OTOGL: variants seen among roughly 807,000 people sequenced by gnomAD.
OTOGL encodes the protein otogelin-like protein.
In OTOGL, 285 loss-of-function variants were observed where a neutral mutation model predicts 318.5. The observed-to-expected ratio is 0.89, with a 90% CI of 0.81 to 0.99. The LOEUF is 0.99. Among genes scored for constraint, OTOGL ranks in the 50% least tolerant of loss-of-function variants. The probability of loss-of-function intolerance (pLI) is 0.00; values close to 1 mark genes in which losing one functional copy is unlikely to be tolerated. For missense variants in OTOGL, 2,899 were observed against 2,845.6 expected (o/e 1.02, Z -0.43); for synonymous variants, 987 against 936.5 (o/e 1.05, Z -0.99).
rs559477064 is a variant in OTOGL at position 80,259,461 on chromosome 12, C to T, written c.1889+1459C>T. 2.8e-3 allele frequency among the ~76,000 whole-genome samples: 427 copies of T among 152,020 alleles called. 5 individuals carry two copies. The highest frequency in any genetic ancestry group is 9.8e-3 in the African/African-American group (406 of 41,438). On this transcript the variant is annotated intron_variant, in intron 18 of 58. Coordinates refer to ENST00000547103, the MANE Select transcript of OTOGL (RefSeq NM_001378609.3). ...ACATGTGCCATGGTGGTTTGCTGCA[C>T]CTATCAACCCGTCATCTAGGTTTTA...
At chr12:80,333,152 C>T in intron 38 of OTOGL, 74 bp downstream of exon 38, 1 of 1,347,542 alleles carries the variant, frequency 7.4e-7, no homozygotes, top group South Asian at 1.3e-5. Flanking sequence ...TGTCAATATC[C>T]AAATGCTACT....
At chr12:80,253,343 A>G in intron 13 of OTOGL, 123 bp from the exon 14 acceptor site, 2 of 839,246 alleles carry the variant, frequency 2.4e-6, no homozygotes, top group Non-Finnish European at 3.7e-6. Context: ...CTGAAAGTAA[A>G]GAAATTTGTA....
chr12:80,310,944 C>T (rs1886598277), intron 30 of OTOGL, among the ~76,000 whole-genome samples: 1 of 152,108 alleles, frequency 6.6e-6, no homozygotes, highest in Admixed American at 6.5e-5. Context: ...TAACAGTGTA[C>T]CTTTGTACGT....
chr12:80,197,526 ATAAT>A (rs1163719407), intron 1 of OTOGL, among the ~76,000 whole-genome samples: 2 of 152,210 alleles, frequency 1.3e-5, no homozygotes, highest in African/African-American at 4.8e-5. Flanking sequence ...ATCTTTTTAA[ATAAT>A]TTATAGAGTT....
At chr12:80,105,196 A>G (rs1428511240) in intron 1 of OTOGL, among the ~76,000 whole-genome samples, 1 of 152,252 alleles carries the variant, frequency 6.6e-6, no homozygotes. Context: ...TTTGGGTAAA[A>G]TTCATTTAAA....
chr12:80,332,245 C>G (rs1009072231), intron 37 of OTOGL, among the ~76,000 whole-genome samples: 1 of 152,130 alleles, frequency 6.6e-6, no homozygotes. Flanking sequence ...TCCAAAACAG[C>G]TAATACACTG....
chr12:80,294,924 C>T (rs1025665800), intron 26 of OTOGL, among the ~76,000 whole-genome samples: 2 of 151,926 alleles, frequency 1.3e-5, no homozygotes, highest in Admixed American at 1.3e-4. Context: ...CCTGCCTCTA[C>T]AAAAAAATTT....
intron 1 of OTOGL, among the ~76,000 whole-genome samples, chr12:80,208,522 T>G (rs956135165): frequency 6.6e-6 from 1 of 152,220 alleles, no homozygotes; most frequent in African/African-American, 2.4e-5. Context: ...GTGCACCCAC[T>G]ATATAAGCAT....
chr12:80,145,247 A>G (rs1380657591), intron 1 of OTOGL, among the ~76,000 whole-genome samples: 2 of 151,350 alleles, frequency 1.3e-5, no homozygotes, highest in Admixed American at 6.6e-5. Context: ...GGTGTAAGGA[A>G]GGGATCCAGT....
At position 80,355,879 on chromosome 12, in the gene OTOGL, T is replaced by G; in HGVS notation, c.5737T>G (p.Cys1913Gly). ...CTGTGATGAAGAGCCCACGCCAGTTTGTGAACGAGAAGCTGAAGTTGTCAT... is the reference window on the plus strand; with the variant it reads ...CTGTGATGAAGAGCCCACGCCAGTTGGTGAACGAGAAGCTGAAGTTGTCAT... The part of the protein sequence containing the change: ...PDCDEEPTPV[C>G]EREAEVVMGI... Residue 1913 changes from cysteine (C) to glycine (G), a missense_variant, in exon 47 of 59, where the codon TGT becomes GGT. Transcript: ENST00000547103. 1 of 1,613,962 alleles carries G rather than the reference T, an allele frequency of 6.2e-7. No individual in the cohort carries two copies. The highest frequency in any genetic ancestry group is 1.3e-5 in the African/African-American group (1 of 75,048).
intron 34 of OTOGL, among the ~76,000 whole-genome samples, chr12:80,322,745 T>G: frequency 6.6e-6 from 1 of 152,162 alleles, no homozygotes; most frequent in Admixed American, 6.5e-5. Flanking sequence ...AGGGAGGTTT[T>G]AGAACTGTAT....
At chr12:80,290,543 T>C (rs1442025278) in intron 26 of OTOGL, among the ~76,000 whole-genome samples, 1 of 152,188 alleles carries the variant, frequency 6.6e-6, no homozygotes, top group Non-Finnish European at 1.5e-5. Context: ...AAAGTTTTGC[T>C]GACAATATAA....
chr12:80,171,536 A>G (rs1221822595), intron 1 of OTOGL, among the ~76,000 whole-genome samples: 1 of 152,152 alleles, frequency 6.6e-6, no homozygotes, highest in Non-Finnish European at 1.5e-5. Flanking sequence ...ATTGATATTT[A>G]TCTTTTCACT....
At chr12:80,156,120 C>T (rs182600481) in intron 1 of OTOGL, among the ~76,000 whole-genome samples, 7 of 152,236 alleles carry the variant, frequency 4.6e-5, no homozygotes, top group African/African-American at 1.4e-4. Context: ...CATTTGAGTC[C>T]GTGGACTGCG....
chr12:80,115,663 C>T (rs929159399), intron 1 of OTOGL, among the ~76,000 whole-genome samples: 9 of 152,178 alleles, frequency 5.9e-5, no homozygotes, highest in Non-Finnish European at 1.0e-4. Flanking sequence ...TGCTTCCCCC[C>T]AGGTGCTCTG....
intron 17 of OTOGL, among the ~76,000 whole-genome samples, chr12:80,257,305 A>C (rs530365126): frequency 7.3e-4 from 45 of 62,004 alleles, no homozygotes; most frequent in Admixed American, 3.4e-3. Context: ...TTTTAAGGTG[A>C]AGTTTTTTTT....
intron 47 of OTOGL, 57 bp from the exon 48 acceptor site, chr12:80,356,359 G>A: frequency 7.5e-7 from 1 of 1,337,048 alleles, no homozygotes; most frequent in Non-Finnish European, 1.1e-6. Flanking sequence ...TCCCTGCTTT[G>A]AGTTGGCAGA....
At chr12:80,335,877 A>G (rs765243246) in intron 38 of OTOGL, 86 bp from the exon 39 acceptor site, 10 of 1,245,654 alleles carry the variant, frequency 8.0e-6, no homozygotes, top group African/African-American at 1.5e-5. Context: ...AATGTACACC[A>G]TGGGCAATAT....
intron 1 of OTOGL, among the ~76,000 whole-genome samples, chr12:80,173,043 A>C (rs1019282861): frequency 6.6e-6 from 1 of 152,202 alleles, no homozygotes; most frequent in Non-Finnish European, 1.5e-5. Context: ...GCACATGTTT[A>C]CATATGTAAC....
Sources: gnomAD v4.1 joint callset for allele counts (sites outside exome capture counted in the v4.1 genomes callset) on GRCh38, gnomAD v4.1.1 for gene constraint, MANE v1.5 for transcripts, NCBI Gene and HGNC (gene_info 2026-07-23, HGNC 2026-07-21) for gene names.